The following AARS1 variants were observed in gnomAD, a reference collection of about 807,000 sequenced individuals.
AARS1 encodes the protein alanyl-tRNA synthetase 1.
AARS1 carries 72 observed loss-of-function variants against 108.9 expected under a neutral mutation model. That is an observed-to-expected ratio of 0.66 (90% CI 0.55 to 0.80). The LOEUF (loss-of-function observed/expected upper bound fraction) is 0.80, where lower values mean the gene tolerates loss of function less well. Ranked by LOEUF, AARS1 falls within the 30% of genes least tolerant of loss-of-function variation. The pLI is 0.00. For missense variants in AARS1, 1,193 were observed against 1,233.2 expected, an observed-to-expected ratio of 0.97 and a Z score of 0.49; for synonymous variants, 489 against 465.7, an observed-to-expected ratio of 1.05 and a Z score of -0.64.
At chr16:70,288,748 G>T (rs1447720294) in intron 1 of AARS1, among the ~76,000 whole-genome samples, 1 of 151,494 alleles carries the variant, frequency 6.6e-6, no homozygotes, top group African/African-American at 2.4e-5. Context: ...TGTATTTTTA[G>T]TAAAGACGGG....
At chr16:70,258,597 G>A (rs1487276839) in intron 14 of AARS1, among the ~76,000 whole-genome samples, 7 of 151,544 alleles carry the variant, frequency 4.6e-5, no homozygotes, top group Admixed American at 1.3e-4. Context: ...ACGGAGTCTC[G>A]CTCTGTTTCC....
At chr16:70,257,086 A>G (rs1296607682) in intron 15 of AARS1, among the ~76,000 whole-genome samples, 1 of 151,964 alleles carries the variant, frequency 6.6e-6, no homozygotes, top group Non-Finnish European at 1.5e-5. Flanking sequence ...CATCTCTACT[A>G]AAAATACAAA....
At chr16:70,262,223 A>G in intron 12 of AARS1, 123 bp downstream of exon 12, 4 of 1,233,158 alleles carry the variant, frequency 3.2e-6, no homozygotes, top group Non-Finnish European at 4.8e-6. Flanking sequence ...CAGAAATACC[A>G]TGGAACCCAA....
chr16:70,259,032 T>C lies in AARS1; in HGVS notation c.1940A>G (p.Gln647Arg). 6.2e-7 allele frequency: 1 copy of C among 1,614,152 alleles called. No individual in the cohort carries two copies. The highest frequency in any genetic ancestry group is 8.5e-7 in the Non-Finnish European group (1 of 1,180,026). ...DFTAKGAMST[Q>R]QIKKAEEIAN... ...AATCTCTTCAGCCTTCTTGATCTGT[T>C]GGGTGGACATGGCTCCCTTGGCAGT... is the stretch of plus-strand genomic sequence containing the variant. Residue 647 changes from glutamine (Q) to arginine (R), a missense_variant, in exon 14 of 21, where the codon CAA becomes CGA. Gln to Arg is a conservative substitution (Grantham distance 43, BLOSUM62 1). Transcript: ENST00000261772.
intron 15 of AARS1, 140 bp from the exon 16 acceptor site, chr16:70,255,976 G>C (rs1047503796): frequency 1.3e-6 from 1 of 747,786 alleles, no homozygotes; most frequent in African/African-American, 1.7e-5. Context: ...GACACCAAGC[G>C]GGACACCAGC....
At position 70,265,297 on chromosome 16, in the gene AARS1, C is replaced by G. The variant is rs143263009; in HGVS notation, c.1348-195G>C. On this transcript the variant is annotated intron_variant, in intron 10 of 20. Coordinates refer to ENST00000261772, the MANE Select transcript of AARS1 (RefSeq NM_001605.3). ...TGCAGTGTGGGATGCTGAGGGGCAC[C>G]CTGGCCTCTACCAAGTACGTGACAG... The G allele has an allele frequency of 7.5e-5, 69 of 916,704 alleles. 1 individual carries two copies. In the East Asian group the frequency reaches 1.8e-3, roughly 24 times the overall value. The allele number at this position is 916,704 out of a possible 1,614,324, so 56.8% of individuals were successfully genotyped here.
intron 4 of AARS1, among the ~76,000 whole-genome samples, chr16:70,273,958 G>T (rs1300830907): frequency 6.6e-6 from 1 of 150,478 alleles, no homozygotes; most frequent in Non-Finnish European, 1.5e-5. Flanking sequence ...GATCGCCTGA[G>T]CTCAGGCAGT....
chr16:70,270,362 G>C (rs1960370015), intron 5 of AARS1, 22 bp from the exon 6 acceptor site: 1 of 1,614,166 alleles, frequency 6.2e-7, no homozygotes, highest in South Asian at 1.1e-5. Context: ...AGAAGAAGAG[G>C]AGGTTGAAGC....
At chr16:70,266,931 G>A (rs931947931) in intron 9 of AARS1, among the ~76,000 whole-genome samples, 4 of 152,056 alleles carry the variant, frequency 2.6e-5, no homozygotes, top group Admixed American at 6.6e-5. Flanking sequence ...CCGCCTCCCC[G>A]GTTCAAGCAA....
At chr16:70,263,890 G>A (rs1020534954) in intron 11 of AARS1, among the ~76,000 whole-genome samples, 10 of 152,066 alleles carry the variant, frequency 6.6e-5, no homozygotes, top group African/African-American at 2.4e-4. Flanking sequence ...GCCCACCCTG[G>A]CATCCCGAAG....
At position 70,279,670 on chromosome 16, in the gene AARS1, C is replaced by CAAAAAAAAAAA. The variant is rs367753826; in HGVS notation, c.145-2527_145-2517dup. On this transcript the variant is annotated intron_variant, in intron 2 of 20. Transcript: ENST00000261772. ...AGCAAAACTCTGTCTCAAAAAAAAA[C>CAAAAAAAAAAA]AAAAAAAAAAAAAAAAAGAAAAGTT... 8.7e-5 allele frequency among the ~76,000 whole-genome samples: 10 copies of CAAAAAAAAAAA among 114,570 alleles called. 1 individual carries two copies. The highest frequency in any genetic ancestry group is 2.0e-4 in the Admixed American group (2 of 9,922). The allele number at this position is 114,570 out of a possible 152,430, so 75.2% of individuals were successfully genotyped here.
intron 4 of AARS1, among the ~76,000 whole-genome samples, chr16:70,275,630 G>C (rs551510353): frequency 3.5e-4 from 53 of 151,982 alleles, no homozygotes; most frequent in Admixed American, 2.5e-3. Flanking sequence ...GGGCGTGGTG[G>C]TGGGCGCCTG....
intron 11 of AARS1, among the ~76,000 whole-genome samples, chr16:70,264,329 T>C (rs1960213439): frequency 6.6e-6 from 1 of 151,546 alleles, no homozygotes; most frequent in African/African-American, 2.4e-5. Flanking sequence ...TTTTTCTTTT[T>C]CCCCGAGACG....
chr16:70,278,818 A>T (rs1168887478), intron 2 of AARS1, among the ~76,000 whole-genome samples: 1 of 151,850 alleles, frequency 6.6e-6, no homozygotes, highest in Non-Finnish European at 1.5e-5. Flanking sequence ...AAAAAAAGGC[A>T]AGGTATTTGC....
intron 8 of AARS1, among the ~76,000 whole-genome samples, 166 bp downstream of exon 8, chr16:70,268,105 T>C (rs1960308755): frequency 6.6e-6 from 1 of 152,010 alleles, no homozygotes; most frequent in Non-Finnish European, 1.5e-5. Flanking sequence ...GAGACAGAGG[T>C]TGCAGTGAGC....
intron 7 of AARS1, 42 bp downstream of exon 7, chr16:70,269,576 G>C (rs572193392): frequency 6.2e-7 from 1 of 1,610,906 alleles, no homozygotes; most frequent in Non-Finnish European, 8.5e-7. Flanking sequence ...CATAGCACAC[G>C]TGGTGCCGCT....
chr16:70,277,981 A>C (rs2152167558), intron 2 of AARS1, among the ~76,000 whole-genome samples: 1 of 151,984 alleles, frequency 6.6e-6, no homozygotes, highest in Admixed American at 6.6e-5. Context: ...TCGAACACCT[A>C]ACCCCAAGTG....
chr16:70,255,063 T>C (rs1959947547), intron 16 of AARS1, among the ~76,000 whole-genome samples: 2 of 152,034 alleles, frequency 1.3e-5, no homozygotes, highest in South Asian at 4.1e-4. Flanking sequence ...ACCCATCCTC[T>C]ACTGCACGGC....
intron 15 of AARS1, 83 bp from the exon 16 acceptor site, chr16:70,255,919 C>A (rs775892302): frequency 1.6e-5 from 21 of 1,302,888 alleles, no homozygotes; most frequent in Non-Finnish European, 2.1e-5. Flanking sequence ...ACAAGAGAAG[C>A]AGGAATGGGT....
Sources: allele counts gnomAD v4.1 joint callset (sites outside exome capture counted in the v4.1 genomes callset), GRCh38; gene constraint gnomAD v4.1.1; transcripts MANE v1.5; gene names NCBI Gene and HGNC (gene_info 2026-07-23, HGNC 2026-07-21).